Variants in PPP4R3B observed in about 807,000 individuals in gnomAD.
The protein encoded by PPP4R3B is protein phosphatase 4 regulatory subunit 3B.
PPP4R3B carries 52 observed loss-of-function variants against 95.4 expected under a neutral mutation model. The ratio of observed to expected loss-of-function variants is 0.54; its 90% CI spans 0.44 to 0.69. PPP4R3B has a LOEUF of 0.69. PPP4R3B is among the 30% of genes least tolerant of loss of function. The pLI is 0.00. For synonymous variants in PPP4R3B, 407 were observed against 343.9 expected (o/e 1.18, Z -2.03); for missense variants, 1,003 against 1,005.9 (o/e 1.00, Z 0.04).
Position 55,604,038 on chromosome 2 carries a change from A to G in PPP4R3B, c.237T>C (p.Asp79=). The change falls in exon 3 of 17, where the codon GAT becomes GAC. Residue 79 remains aspartate (D), a synonymous_variant. Transcript: ENST00000616407. ...CTTTCTCCTGAAAACTCAGAGCCAA[A>G]TCATAGTTCTCTGCTTCTGACCAAA... ...LIVWSEAENY[D]LALSFQEKAG... is the part of the protein sequence containing the mutation. 15 of 1,609,748 alleles carry G rather than the reference A, an allele frequency of 9.3e-6. No homozygotes were observed. The highest frequency in any genetic ancestry group is 1.3e-5 in the Non-Finnish European group (15 of 1,178,314).
chr2:55,571,291 C>A (rs1255384510), intron 12 of PPP4R3B, among the ~76,000 whole-genome samples: 1 of 146,728 alleles, frequency 6.8e-6, no homozygotes, highest in Admixed American at 7.0e-5. Flanking sequence ...GCCTGGGCAA[C>A]AGAGCAAGAC....
chr2:55,564,872 G>C, intron 14 of PPP4R3B, 30 bp downstream of exon 14: 1 of 1,591,838 alleles, frequency 6.3e-7, no homozygotes, highest in Non-Finnish European at 8.5e-7. Flanking sequence ...CAGTTTTGTA[G>C]GCTATAAAAG....
At chr2:55,554,906 A>T (rs549814910) in intron 16 of PPP4R3B, among the ~76,000 whole-genome samples, 1 of 152,096 alleles carries the variant, frequency 6.6e-6, no homozygotes, top group South Asian at 2.1e-4. Context: ...ATCCATTTTG[A>T]GAGGAGTTTT....
Position 55,549,844 on chromosome 2 carries a change from G to T in PPP4R3B, c.*67C>A, listed in dbSNP as rs533075484. On this transcript the variant is annotated 3_prime_UTR_variant, in exon 17 of 17. Transcript: ENST00000616407. ...TCAATTGAGAAAGCTTTCTGATTCA[G>T]ATTTTCAGCTCACTGAACAGTTGCA... 2 of 1,205,442 alleles carry T rather than the reference G, an allele frequency of 1.7e-6. No individual in the cohort carries two copies. The highest frequency in any genetic ancestry group is 4.7e-5 in the East Asian group (2 of 42,840). 74.7% of individuals were successfully genotyped at this position (1,205,442 alleles called of 1,614,324 possible). A position where few individuals can be genotyped will look rare whatever the true frequency, so the allele number is the denominator to read the frequency against.
intron 16 of PPP4R3B, among the ~76,000 whole-genome samples, chr2:55,557,053 A>G (rs191697189): frequency 6.6e-6 from 1 of 150,802 alleles, no homozygotes; most frequent in East Asian, 2.0e-4. Flanking sequence ...ACAGAGTGAG[A>G]CTCTGTAACA....
chr2:55,593,093 G>C (rs1691263629), intron 4 of PPP4R3B, among the ~76,000 whole-genome samples: 1 of 152,184 alleles, frequency 6.6e-6, no homozygotes, highest in East Asian at 1.9e-4. Flanking sequence ...GGGAGGCAGA[G>C]GCTGCAGTGA....
intron 4 of PPP4R3B, among the ~76,000 whole-genome samples, chr2:55,592,177 G>T (rs1691123858): frequency 6.6e-6 from 1 of 152,086 alleles, no homozygotes; most frequent in African/African-American, 2.4e-5. Flanking sequence ...CAGAAATTTA[G>T]AATTAAATCA....
rs1299223721 is a variant in PPP4R3B at position 55,554,755 on chromosome 2, C to T, written c.2454+4020G>A. The stretch of plus-strand genomic sequence containing the variant: ...CAAAATTTTTGAATTTTGAATGAGT[C>T]CAATTTATTATTTTTCTTTTGTCAC... On this transcript the variant is annotated intron_variant, in intron 16 of 16. Transcript: ENST00000616407. 2.6e-5 allele frequency among the ~76,000 whole-genome samples: 4 copies of T among 152,182 alleles called. No homozygotes were observed. In the South Asian group the frequency reaches 6.2e-4, roughly 24 times the overall value.
At chr2:55,597,448 T>C (rs1246293384) in intron 4 of PPP4R3B, among the ~76,000 whole-genome samples, 2 of 151,948 alleles carry the variant, frequency 1.3e-5, no homozygotes, top group Non-Finnish European at 2.9e-5. Context: ...TGGTGAAACC[T>C]TGTCTCTACT....
chr2:55,569,396 C>G (rs150847161), intron 12 of PPP4R3B, among the ~76,000 whole-genome samples: 1 of 152,166 alleles, frequency 6.6e-6, no homozygotes, highest in Non-Finnish European at 1.5e-5. Flanking sequence ...TCAGGCCCAC[C>G]TGCAGTTATC....
chr2:55,580,938 C>T (rs146707056), intron 8 of PPP4R3B, among the ~76,000 whole-genome samples: 54 of 152,122 alleles, frequency 3.5e-4, no homozygotes, highest in African/African-American at 1.2e-3. Context: ...GATAAAATCA[C>T]GCAACATAAA....
At chr2:55,593,020 A>C (rs1691255067) in intron 4 of PPP4R3B, among the ~76,000 whole-genome samples, 1 of 152,076 alleles carries the variant, frequency 6.6e-6, no homozygotes, top group South Asian at 2.1e-4. Context: ...TTAGCCAGGC[A>C]TGGTGGCTGC....
chr2:55,613,304 A>G (rs1694440649), intron 2 of PPP4R3B, among the ~76,000 whole-genome samples: 1 of 151,816 alleles, frequency 6.6e-6, no homozygotes, highest in Non-Finnish European at 1.5e-5. Flanking sequence ...CAGTGTTTCC[A>G]TATTCTTCTC....
At chr2:55,577,753 A>G (rs1247227092) in intron 10 of PPP4R3B, among the ~76,000 whole-genome samples, 2 of 152,102 alleles carry the variant, frequency 1.3e-5, no homozygotes, top group African/African-American at 4.8e-5. Flanking sequence ...TCTAATTTTT[A>G]AAAACAGAAA....
At chr2:55,577,143 T>C (rs1487853667) in intron 11 of PPP4R3B, among the ~76,000 whole-genome samples, 172 bp downstream of exon 11, 2 of 152,162 alleles carry the variant, frequency 1.3e-5, no homozygotes, top group Non-Finnish European at 2.9e-5. Context: ...GAATTCCAAC[T>C]CGTTTTCTAT....
intron 3 of PPP4R3B, among the ~76,000 whole-genome samples, chr2:55,602,509 G>A (rs1424553151): frequency 6.6e-6 from 1 of 152,166 alleles, no homozygotes; most frequent in Non-Finnish European, 1.5e-5. Context: ...GGGGGCCTTG[G>A]ACCACAAGAT....
At chr2:55,553,818 T>C (rs540647674) in intron 16 of PPP4R3B, among the ~76,000 whole-genome samples, 1 of 152,358 alleles carries the variant, frequency 6.6e-6, no homozygotes, top group East Asian at 1.9e-4. Context: ...ATCCACTGTA[T>C]GAATATGCTA....
At chr2:55,569,800 A>C (rs978069602) in intron 12 of PPP4R3B, among the ~76,000 whole-genome samples, 3 of 151,862 alleles carry the variant, frequency 2.0e-5, no homozygotes, top group Non-Finnish European at 4.4e-5. Flanking sequence ...CTTTTCTTTT[A>C]TCTCTTTGTC....
rs1014863444 is a variant in PPP4R3B, at chr2:55,568,375, T to C, written c.1766-12A>G. 1 of 1,583,236 alleles carries C rather than the reference T, an allele frequency of 6.3e-7. No homozygotes were observed. The highest frequency in any genetic ancestry group is 8.6e-7 in the Non-Finnish European group (1 of 1,166,826). On this transcript the variant is annotated splice_polypyrimidine_tract_variant and intron_variant, in intron 12 of 16. Coordinates refer to ENST00000616407, the MANE Select transcript of PPP4R3B (RefSeq NM_001122964.3). ...AAAGCGAAGGGCACCTAATTAAAAA[T>C]AATATAGGGAATAAGTTAATGATCT...
Sources: gnomAD v4.1 joint callset for allele counts (sites outside exome capture counted in the v4.1 genomes callset) on GRCh38, gnomAD v4.1.1 for gene constraint, MANE v1.5 for transcripts, NCBI Gene and HGNC (gene_info 2026-07-23, HGNC 2026-07-21) for gene names.